The following RIN2 variants were observed in gnomAD, a reference collection of about 807,000 sequenced individuals.
RIN2 encodes Ras and Rab interactor 2, also known as RAB5 interacting protein 2.
Under a neutral mutation model 78.0 loss-of-function variants are expected in RIN2, and 36 were observed. The observed-to-expected ratio is 0.46, with a 90% CI of 0.35 to 0.61. The LOEUF (loss-of-function observed/expected upper bound fraction) is 0.61, where lower values mean the gene tolerates loss of function less well. Ranked by LOEUF, RIN2 falls within the 20% of genes least tolerant of loss-of-function variation. RIN2 has a pLI of 0.00. For synonymous variants in RIN2, 466 were observed against 466.8 expected, an observed-to-expected ratio of 1.00 and a Z score of 0.02; for missense variants, 1,087 against 1,159.7, an observed-to-expected ratio of 0.94 and a Z score of 0.91.
At chr20:19,914,302 T>G (rs1034013063) in intron 3 of RIN2, among the ~76,000 whole-genome samples, 3 of 152,182 alleles carry the variant, frequency 2.0e-5, no homozygotes, top group African/African-American at 7.2e-5. Context: ...GTTAGGCTAT[T>G]ACCCTAAAGG....
At chr20:19,947,842 T>C (rs371255691) in intron 4 of RIN2, among the ~76,000 whole-genome samples, 41 of 152,328 alleles carry the variant, frequency 2.7e-4, no homozygotes, top group African/African-American at 9.9e-4. Flanking sequence ...GCAGTCCTTG[T>C]AGATTCCACC....
intron 1 of RIN2, among the ~76,000 whole-genome samples, chr20:19,795,429 C>G (rs2035025032): frequency 1.3e-5 from 2 of 152,074 alleles, no homozygotes; most frequent in African/African-American, 4.8e-5. Flanking sequence ...AGCATTTTGC[C>G]TGGTGAGTTT....
rs1359701349 is a variant in RIN2, at chr20:19,805,228, T to A, written c.-37+5481T>A. Among the ~76,000 whole-genome samples the A allele has an allele frequency of 1.1e-4, 17 of 151,648 alleles. No individual in the cohort carries two copies. In the East Asian group the frequency reaches 3.3e-3, roughly 29 times the overall value. On this transcript the variant is annotated intron_variant, in intron 2 of 12. Coordinates refer to ENST00000255006, the MANE Select transcript of RIN2 (RefSeq NM_018993.4). ...GATGCCCTGAAGCACAATGAGGGAG[T>A]AGGGAGTGGCATACGGAGGGCAAAG...
chr20:19,888,619 G>A (rs1568573930), intron 2 of RIN2, among the ~76,000 whole-genome samples: 1 of 152,186 alleles, frequency 6.6e-6, no homozygotes, highest in Non-Finnish European at 1.5e-5. Flanking sequence ...CGTCACGGTT[G>A]GCATGAGCTA....
chr20:19,958,807 T>G (rs1265232899), intron 5 of RIN2, among the ~76,000 whole-genome samples: 3 of 152,162 alleles, frequency 2.0e-5, no homozygotes, highest in Non-Finnish European at 4.4e-5. Flanking sequence ...AGGTGGAGGT[T>G]GCAGTGAGCT....
intron 2 of RIN2, chr20:19,824,085 A>G (rs2036011195): frequency 1.7e-6 from 1 of 604,574 alleles, no homozygotes; most frequent in South Asian, 2.0e-5. Context: ...ACATGTGCTG[A>G]GTTAATTGTA....
At chr20:19,782,669 T>C (rs1162165948) in intron 1 of RIN2, among the ~76,000 whole-genome samples, 1 of 152,206 alleles carries the variant, frequency 6.6e-6, no homozygotes, top group Non-Finnish European at 1.5e-5. Flanking sequence ...AGCCTGATTC[T>C]ACCTGTAAAT....
intron 3 of RIN2, among the ~76,000 whole-genome samples, chr20:19,915,247 C>T (rs1307518258): frequency 1.3e-5 from 2 of 152,158 alleles, no homozygotes; most frequent in Non-Finnish European, 2.9e-5. Flanking sequence ...GCAGCCAATA[C>T]ATGGTGCAAT....
intron 2 of RIN2, among the ~76,000 whole-genome samples, chr20:19,886,102 C>T (rs986565497): frequency 2.6e-5 from 4 of 152,298 alleles, no homozygotes; most frequent in Admixed American, 1.3e-4. Flanking sequence ...TGTGGCCCGG[C>T]GCAGCAAAAG....
chr20:19,772,537 C>G (rs2034168420), intron 1 of RIN2, among the ~76,000 whole-genome samples: 1 of 152,126 alleles, frequency 6.6e-6, no homozygotes, highest in Non-Finnish European at 1.5e-5. Flanking sequence ...CGAAGCCAGC[C>G]CTGGAACCAT....
At chr20:19,903,459 T>C (rs1270738038) in intron 3 of RIN2, among the ~76,000 whole-genome samples, 1 of 152,196 alleles carries the variant, frequency 6.6e-6, no homozygotes, top group African/African-American at 2.4e-5. Context: ...GGGTGTTTCT[T>C]CCTTTCTCAT....
At chr20:19,768,621 C>T (rs1400329879) in intron 1 of RIN2, among the ~76,000 whole-genome samples, 1 of 152,232 alleles carries the variant, frequency 6.6e-6, no homozygotes, top group African/African-American at 2.4e-5. Context: ...TGTTCTCATC[C>T]TCACACAGGC....
intron 2 of RIN2, among the ~76,000 whole-genome samples, chr20:19,885,833 A>G (rs903769656): frequency 2.0e-5 from 3 of 152,260 alleles, no homozygotes; most frequent in African/African-American, 4.8e-5. Context: ...GTATACCTAT[A>G]TATATCAAGA....
In RIN2 at chr20:19,884,227, G is replaced by A. The variant is rs1176403280; in HGVS notation, c.-36-5339G>A. 2.6e-5 allele frequency among the ~76,000 whole-genome samples: 4 copies of A among 151,954 alleles called. 1 individual carries two copies. Among genetic ancestry groups the A allele is most frequent in the Admixed American group, 1.3e-4 (2 of 15,266 alleles). ...AGGCCAGGAGTTTGAGACCAGCCTG[G>A]GCAACATAGGGAGGGAGACCTGGTC... On this transcript the variant is annotated intron_variant, in intron 2 of 12. Transcript: ENST00000255006.
intron 2 of RIN2, among the ~76,000 whole-genome samples, chr20:19,847,721 A>G (rs2036831777): frequency 6.6e-6 from 1 of 152,206 alleles, no homozygotes; most frequent in South Asian, 2.1e-4. Flanking sequence ...GGCATTTTAG[A>G]TATATTGGGA....
chr20:19,795,601 G>A (rs1178998533), intron 1 of RIN2, among the ~76,000 whole-genome samples: 1 of 152,174 alleles, frequency 6.6e-6, no homozygotes, highest in Non-Finnish European at 1.5e-5. Context: ...AGGGGTTCTA[G>A]GCTGGAAAAC....
At chr20:19,992,093 T>C in intron 10 of RIN2, 75 bp from the exon 11 acceptor site, 1 of 1,526,014 alleles carries the variant, frequency 6.6e-7, no homozygotes, top group South Asian at 1.2e-5. Context: ...TGCTGTCTAA[T>C]AAAAGCAGCA....
chr20:19,845,521 C>A (rs2036752836), intron 2 of RIN2, among the ~76,000 whole-genome samples: 2 of 151,890 alleles, frequency 1.3e-5, no homozygotes, highest in Admixed American at 1.3e-4. Context: ...TTGTTGGCCA[C>A]ATAAATGTCT....
chr20:19,856,808 C>T (rs2037184302), intron 2 of RIN2, among the ~76,000 whole-genome samples: 1 of 152,124 alleles, frequency 6.6e-6, no homozygotes. Flanking sequence ...ATGGAACTAG[C>T]ACCATGAGCG....
Sources: allele counts gnomAD v4.1 joint callset (sites outside exome capture counted in the v4.1 genomes callset), GRCh38; gene constraint gnomAD v4.1.1; transcripts MANE v1.5; gene names NCBI Gene and HGNC (gene_info 2026-07-23, HGNC 2026-07-21).